Variants in NRXN3 observed in about 807,000 individuals in gnomAD.
NRXN3 encodes neurexin III.
A neutral mutation model predicts 137.6 loss-of-function variants in NRXN3; 32 were observed. That is an observed-to-expected ratio of 0.23 (90% CI 0.18 to 0.31). The LOEUF (loss-of-function observed/expected upper bound fraction) is 0.31. Ranked by LOEUF, NRXN3 falls within the 10% of genes least tolerant of loss-of-function variation. The probability of loss-of-function intolerance (pLI) is 1.00; values close to 1 mark genes in which losing one functional copy is unlikely to be tolerated. For missense variants in NRXN3, 1,574 were observed against 2,062.5 expected (o/e 0.76, Z 4.59); for synonymous variants, 798 against 784.5 (o/e 1.02, Z -0.29).
chr14:79,017,534 A>C (rs1001467926), intron 15 of NRXN3, among the ~76,000 whole-genome samples: 1 of 151,904 alleles, frequency 6.6e-6, no homozygotes, highest in Non-Finnish European at 1.5e-5. Context: ...CTTGGAGAGG[A>C]GATGGGGAAA....
chr14:78,788,288 A>G (rs1348093733), intron 8 of NRXN3, among the ~76,000 whole-genome samples: 7 of 151,904 alleles, frequency 4.6e-5, no homozygotes, highest in Non-Finnish European at 1.0e-4. Context: ...TGGTATTATC[A>G]GGCATGGCTT....
intron 16 of NRXN3, among the ~76,000 whole-genome samples, chr14:79,560,511 T>TTTTTTTTTTTTTTTG: frequency 8.4e-6 from 1 of 118,546 alleles, no homozygotes; most frequent in African/African-American, 3.1e-5. Context: ...AAGCTTTTTT[T>TTTTTTTTTTTTTTTG]TTTTTTTTTT....
intron 1 of NRXN3, chr14:78,231,207 A>G (rs1228890546): frequency 6.6e-6 from 1 of 152,210 alleles, no homozygotes. Flanking sequence ...CATTCATTCA[A>G]CATATGGTAT....
intron 8 of NRXN3, among the ~76,000 whole-genome samples, chr14:78,757,057 C>T (rs955632669): frequency 6.6e-6 from 1 of 152,152 alleles, no homozygotes; most frequent in Non-Finnish European, 1.5e-5. Flanking sequence ...TTGCCTCCAC[C>T]TTAAAACAAA....
chr14:78,874,120 C>T (rs980232114), intron 10 of NRXN3, among the ~76,000 whole-genome samples: 6 of 151,992 alleles, frequency 3.9e-5, no homozygotes, highest in Admixed American at 2.0e-4. Context: ...TACAGGAATG[C>T]ACCACCATGT....
intron 15 of NRXN3, among the ~76,000 whole-genome samples, chr14:79,386,967 A>G (rs938609104): frequency 2.4e-4 from 36 of 152,228 alleles, no homozygotes; most frequent in African/African-American, 8.2e-4. Flanking sequence ...TGGATTAAAG[A>G]CTTAAATGTT....
intron 1 of NRXN3, among the ~76,000 whole-genome samples, chr14:78,235,204 G>A (rs1449656126): frequency 4.0e-5 from 6 of 151,738 alleles, no homozygotes; most frequent in Non-Finnish European, 8.8e-5. Context: ...GATATAGGCT[G>A]TAGTTTTAGC....
intron 15 of NRXN3, chr14:79,249,067 C>T (rs535562302): frequency 5.3e-5 from 8 of 152,254 alleles, no homozygotes; most frequent in South Asian, 4.1e-4. Flanking sequence ...TGTTGTCTCT[C>T]GAGGTGATCT....
At chr14:79,296,982 G>A (rs1029441529) in intron 15 of NRXN3, among the ~76,000 whole-genome samples, 2 of 152,206 alleles carry the variant, frequency 1.3e-5, no homozygotes, top group Non-Finnish European at 2.9e-5. Flanking sequence ...CCAGCGCCCT[G>A]GCCTTCTCCC....
At chr14:78,379,702 G>A (rs966194787) in intron 4 of NRXN3, among the ~76,000 whole-genome samples, 3 of 152,164 alleles carry the variant, frequency 2.0e-5, no homozygotes, top group African/African-American at 7.2e-5. Context: ...AAGAAACCCA[G>A]AATAACTGCT....
chr14:78,452,023 C>T (rs538849704), intron 4 of NRXN3, among the ~76,000 whole-genome samples: 8 of 152,154 alleles, frequency 5.3e-5, no homozygotes, highest in African/African-American at 7.2e-5. Context: ...GGCATCTAGC[C>T]GCCCACCTAC....
intron 1 of NRXN3, among the ~76,000 whole-genome samples, chr14:78,185,687 C>T (rs2060172855): frequency 6.6e-6 from 1 of 152,198 alleles, no homozygotes; most frequent in Non-Finnish European, 1.5e-5. Context: ...TGGCTCTGCT[C>T]ATGGGAGTGA....
At chr14:79,488,183 A>G (rs1161494809) in intron 16 of NRXN3, among the ~76,000 whole-genome samples, 14 of 152,222 alleles carry the variant, frequency 9.2e-5, no homozygotes, top group Non-Finnish European at 1.6e-4. Context: ...ATGGTCACCC[A>G]TGGACATTGA....
chr14:78,515,599 T>C (rs2096192489), intron 4 of NRXN3, among the ~76,000 whole-genome samples: 2 of 152,064 alleles, frequency 1.3e-5, no homozygotes, highest in Admixed American at 1.3e-4. Flanking sequence ...ATACAACCTG[T>C]TAAAAAGTGG....
intron 19 of NRXN3, among the ~76,000 whole-genome samples, chr14:79,727,143 T>C (rs2098895219): frequency 6.6e-6 from 1 of 152,212 alleles, no homozygotes; most frequent in Non-Finnish European, 1.5e-5. Context: ...ACAGCATGCC[T>C]AGGTATTTAT....
At position 79,094,996 on chromosome 14, in the gene NRXN3, G is replaced by GTC. The variant is rs1282457194; in HGVS notation, c.3262+106856_3262+106857insCT. On this transcript the variant is annotated intron_variant, in intron 15 of 20. Coordinates refer to ENST00000335750, the MANE Select transcript of NRXN3 (RefSeq NM_001330195.2). ...AGAGAGAGAGTGTGTGTGTGTGTGTGTGTGTGTGTGTGTGAAATGGGGAAA... is the reference window on the plus strand; with the variant it reads ...AGAGAGAGAGTGTGTGTGTGTGTGTGTCTGTGTGTGTGTGTGAAATGGGGAAA... Among the ~76,000 whole-genome samples, 420 of 151,802 alleles carry GTC rather than the reference G, an allele frequency of 2.8e-3. 2 individuals are homozygous for GTC. The highest frequency in any genetic ancestry group is 9.6e-3 in the African/African-American group (396 of 41,348).
intron 6 of NRXN3, among the ~76,000 whole-genome samples, chr14:78,670,646 G>A (rs529553283): frequency 6.6e-6 from 1 of 152,220 alleles, no homozygotes; most frequent in Non-Finnish European, 1.5e-5. Context: ...TAAACATAGA[G>A]CTCAGTGTTG....
intron 15 of NRXN3, among the ~76,000 whole-genome samples, chr14:79,053,421 C>G (rs1012512420): frequency 3.3e-5 from 5 of 152,128 alleles, no homozygotes; most frequent in Non-Finnish European, 7.4e-5. Context: ...TCCCTGGCTC[C>G]AAAGCTCTTG....
intron 16 of NRXN3, among the ~76,000 whole-genome samples, chr14:79,610,476 G>T (rs2098085053): frequency 6.6e-6 from 1 of 152,208 alleles, no homozygotes; most frequent in Non-Finnish European, 1.5e-5. Flanking sequence ...AGACAAGAGA[G>T]AAACTAGCAT....
Sources: gnomAD v4.1 joint callset for allele counts (sites outside exome capture counted in the v4.1 genomes callset) on GRCh38, gnomAD v4.1.1 for gene constraint, MANE v1.5 for transcripts, NCBI Gene and HGNC (gene_info 2026-07-23, HGNC 2026-07-21) for gene names.